LARGE1: variants seen among roughly 807,000 people sequenced by gnomAD.
The protein encoded by LARGE1 is LARGE xylosyl- and glucuronyltransferase 1.
Under a neutral mutation model 87.6 loss-of-function variants are expected in LARGE1, and 43 were observed. The observed-to-expected ratio is 0.49, with a 90% CI of 0.38 to 0.63. The LOEUF is 0.63. Among genes scored for constraint, LARGE1 ranks in the 30% least tolerant of loss-of-function variants. LARGE1 has a pLI of 0.00. For synonymous variants in LARGE1, 434 were observed against 394.6 expected (o/e 1.10, Z -1.18); for missense variants, 802 against 1,000.2 (o/e 0.80, Z 2.67).
intron 3 of LARGE1, among the ~76,000 whole-genome samples, chr22:33,636,727 T>C (rs1487650260): frequency 1.3e-5 from 2 of 151,668 alleles, no homozygotes; most frequent in Non-Finnish European, 2.9e-5. Context: ...AGATGGGGTC[T>C]CGCTATGTTG....
intron 11 of LARGE1, among the ~76,000 whole-genome samples, chr22:33,233,285 G>C (rs1414876481): frequency 6.6e-6 from 1 of 152,088 alleles, no homozygotes; most frequent in African/African-American, 2.4e-5. Context: ...TGTTAGTGAT[G>C]ATGATGATGA....
intron 2 of LARGE1, among the ~76,000 whole-genome samples, chr22:33,683,704 A>T (rs992664455): frequency 1.3e-5 from 2 of 151,968 alleles, no homozygotes; most frequent in East Asian, 3.9e-4. Flanking sequence ...GAGGAATAGA[A>T]TGGTTAGGCA....
chr22:33,599,359 CA>C (rs1402705323), intron 5 of LARGE1, among the ~76,000 whole-genome samples: 3 of 151,034 alleles, frequency 2.0e-5, no homozygotes, highest in Non-Finnish European at 3.0e-5. Context: ...AAGCTCTACG[CA>C]AAAATAAGTT....
chr22:33,742,262 G>T (rs1320841727), intron 2 of LARGE1, among the ~76,000 whole-genome samples: 4 of 152,214 alleles, frequency 2.6e-5, no homozygotes, highest in Non-Finnish European at 4.4e-5. Flanking sequence ...TAGGGTGGTT[G>T]TGAGGATGGA....
At chr22:33,197,671 TA>T (rs1924149595) in intron 11 of LARGE1, among the ~76,000 whole-genome samples, 1 of 152,110 alleles carries the variant, frequency 6.6e-6, no homozygotes, top group African/African-American at 2.4e-5. Context: ...ACAATATTTC[TA>T]AAATGGGAGT....
At chr22:33,085,320 G>A in the LARGE1 span, among the ~76,000 whole-genome samples, 1 of 152,126 alleles carries the variant, frequency 6.6e-6, no homozygotes, top group Admixed American at 6.5e-5. Context: ...TGCTCAAGCT[G>A]TTTGAAACAA....
chr22:33,732,660 A>G (rs1436670958), intron 2 of LARGE1: 1 of 152,250 alleles, frequency 6.6e-6, no homozygotes, highest in Non-Finnish European at 1.5e-5. Context: ...GTGAGTAATG[A>G]AAGTCTAAGT....
chr22:33,457,230 C>T (rs1265507556), intron 6 of LARGE1, among the ~76,000 whole-genome samples: 4 of 149,722 alleles, frequency 2.7e-5, no homozygotes, highest in Admixed American at 6.7e-5. Flanking sequence ...CAAGTTCAAG[C>T]GATTCTTGTG....
intron 1 of LARGE1, among the ~76,000 whole-genome samples, chr22:33,901,840 T>C (rs559274816): frequency 1.3e-5 from 2 of 152,336 alleles, no homozygotes; most frequent in Admixed American, 6.5e-5. Context: ...AAAATTGTAC[T>C]GAAATTTCTG....
At chr22:33,317,030 G>A (rs1165048906) in intron 10 of LARGE1, among the ~76,000 whole-genome samples, 5 of 152,106 alleles carry the variant, frequency 3.3e-5, no homozygotes, top group East Asian at 1.9e-4. Context: ...CCTGGCCAAC[G>A]TGGGGAAACC....
chr22:33,823,517 C>G (rs551411015), intron 1 of LARGE1, among the ~76,000 whole-genome samples: 2 of 152,276 alleles, frequency 1.3e-5, no homozygotes, highest in African/African-American at 2.4e-5. Flanking sequence ...GAACTTGTAA[C>G]TGGAAAAGGA....
chr22:33,764,474 C>T (rs1184166128), intron 1 of LARGE1, among the ~76,000 whole-genome samples: 1 of 152,118 alleles, frequency 6.6e-6, no homozygotes, highest in Non-Finnish European at 1.5e-5. Flanking sequence ...CTAATGCAGG[C>T]CGGGTATTAC....
intron 4 of LARGE1, among the ~76,000 whole-genome samples, chr22:33,619,922 G>C (rs1015932456): frequency 6.6e-6 from 1 of 152,134 alleles, no homozygotes; most frequent in African/African-American, 2.4e-5. Flanking sequence ...GGGGCTCTAA[G>C]GCAGGTTGAG....
At chr22:33,727,593 T>C (rs1306089498) in intron 2 of LARGE1, 1 of 152,204 alleles carries the variant, frequency 6.6e-6, no homozygotes, top group Non-Finnish European at 1.5e-5. Flanking sequence ...AGGAAGGTGA[T>C]CTAGCACAAA....
chr22:33,768,076 G>A (rs1418602173), intron 1 of LARGE1, among the ~76,000 whole-genome samples: 6 of 152,228 alleles, frequency 3.9e-5, no homozygotes, highest in East Asian at 1.9e-4. Context: ...TTGGGAGGCC[G>A]AGGCAGGCGA....
the LARGE1 span, among the ~76,000 whole-genome samples, chr22:33,128,879 A>G: frequency 6.6e-6 from 1 of 152,264 alleles, no homozygotes; most frequent in South Asian, 2.1e-4. Context: ...CTCACTTACA[A>G]GTGGGAGCTG....
intron 1 of LARGE1, among the ~76,000 whole-genome samples, chr22:33,917,395 G>A (rs2065819125): frequency 6.6e-6 from 1 of 152,220 alleles, no homozygotes; most frequent in Non-Finnish European, 1.5e-5. Context: ...GGACATTAAT[G>A]ATTTCATACT....
At chr22:33,375,594 C>A (rs79776027) in intron 9 of LARGE1, among the ~76,000 whole-genome samples, 1,664 of 152,288 alleles carry the variant, frequency 0.011, 31 homozygotes, top group African/African-American at 0.038. Flanking sequence ...TATGTATAAA[C>A]TGCCTGACTT....
chr22:33,123,762 C>T, the LARGE1 span, among the ~76,000 whole-genome samples: 64 of 152,208 alleles, frequency 4.2e-4, no homozygotes, highest in African/African-American at 1.3e-3. Context: ...CTTGGAAGCT[C>T]GGATTCACCA....
Sources: gnomAD v4.1 joint callset for allele counts (sites outside exome capture counted in the v4.1 genomes callset) on GRCh38, gnomAD v4.1.1 for gene constraint, MANE v1.5 for transcripts, NCBI Gene and HGNC (gene_info 2026-07-23, HGNC 2026-07-21) for gene names.